NRXN3: variants seen among roughly 807,000 people sequenced by gnomAD.
NRXN3 encodes the protein neurexin 3.
In NRXN3, 32 loss-of-function variants were observed where a neutral mutation model predicts 137.6. That is an observed-to-expected ratio of 0.23 (90% CI 0.18 to 0.31). NRXN3 has a LOEUF of 0.31. NRXN3 is among the 10% of genes least tolerant of loss of function. The pLI, the probability that NRXN3 is intolerant of heterozygous loss-of-function variation, is 1.00. For missense variants in NRXN3, 1,574 were observed against 2,062.5 expected (o/e 0.76, Z 4.59); for synonymous variants, 798 against 784.5 (o/e 1.02, Z -0.29).
At chr14:78,831,994 G>A (rs984728018) in intron 10 of NRXN3, among the ~76,000 whole-genome samples, 1 of 151,832 alleles carries the variant, frequency 6.6e-6, no homozygotes, top group African/African-American at 2.4e-5. Flanking sequence ...TGGGGAGTGG[G>A]GTAAAAGAGG....
chr14:78,230,719 G>C (rs973843670), intron 1 of NRXN3, among the ~76,000 whole-genome samples: 1 of 152,146 alleles, frequency 6.6e-6, no homozygotes, highest in African/African-American at 2.4e-5. Context: ...AGGTAGCATG[G>C]CTGGGGCACA....
At chr14:79,427,939 C>T (rs1398296187) in intron 15 of NRXN3, among the ~76,000 whole-genome samples, 4 of 151,982 alleles carry the variant, frequency 2.6e-5, no homozygotes, top group Admixed American at 6.6e-5. Context: ...AGTGCTACAT[C>T]GAGAGAGAGT....
At chr14:79,751,821 T>C (rs887437631) in intron 19 of NRXN3, among the ~76,000 whole-genome samples, 56 of 152,074 alleles carry the variant, frequency 3.7e-4, no homozygotes, top group African/African-American at 1.3e-3. Flanking sequence ...CTGCATCTAT[T>C]GAGATAATCA....
chr14:79,257,272 T>G (rs1015264105), intron 15 of NRXN3, among the ~76,000 whole-genome samples: 1 of 150,656 alleles, frequency 6.6e-6, no homozygotes, highest in Admixed American at 6.6e-5. Context: ...AAGTATCAGA[T>G]AGTTCCTCCA....
At chr14:78,506,435 T>A (rs892214148) in intron 4 of NRXN3, among the ~76,000 whole-genome samples, 26 of 152,120 alleles carry the variant, frequency 1.7e-4, no homozygotes, top group African/African-American at 6.3e-4. Flanking sequence ...TAGATATATG[T>A]CCAGAAGTGG....
intron 16 of NRXN3, among the ~76,000 whole-genome samples, chr14:79,524,667 T>C (rs563017777): frequency 6.6e-6 from 1 of 152,326 alleles, no homozygotes; most frequent in South Asian, 2.1e-4. Flanking sequence ...AAGGAGAGTT[T>C]TTCCCTTGGC....
At chr14:79,849,391 C>G (rs564827800) in intron 20 of NRXN3, among the ~76,000 whole-genome samples, 1 of 152,132 alleles carries the variant, frequency 6.6e-6, no homozygotes, top group Non-Finnish European at 1.5e-5. Flanking sequence ...TTATAAACAA[C>G]TCATACAGCT....
intron 10 of NRXN3, among the ~76,000 whole-genome samples, chr14:78,881,206 G>A (rs1006130964): frequency 1.3e-5 from 2 of 151,550 alleles, no homozygotes; most frequent in African/African-American, 4.9e-5. Context: ...CCCAGTCCTG[G>A]GTATTTCTTC....
intron 15 of NRXN3, among the ~76,000 whole-genome samples, chr14:79,134,309 T>A (rs2057988562): frequency 6.6e-6 from 1 of 152,246 alleles, no homozygotes; most frequent in Admixed American, 6.5e-5. Flanking sequence ...CCTTTCTGTG[T>A]TCCCAATTCT....
chr14:79,728,309 G>A (rs1039483992), intron 19 of NRXN3, among the ~76,000 whole-genome samples: 4 of 151,962 alleles, frequency 2.6e-5, no homozygotes, highest in African/African-American at 9.7e-5. Flanking sequence ...TCTGCAGTGA[G>A]CAAGGTAAGA....
chr14:79,486,573 T>A (rs2096657381), intron 16 of NRXN3, among the ~76,000 whole-genome samples: 1 of 152,180 alleles, frequency 6.6e-6, no homozygotes, highest in African/African-American at 2.4e-5. Context: ...AATGGTTATG[T>A]ACTGCAGAGC....
At chr14:79,720,380 A>C (rs1371242281) in intron 19 of NRXN3, among the ~76,000 whole-genome samples, 1 of 152,060 alleles carries the variant, frequency 6.6e-6, no homozygotes, top group Admixed American at 6.6e-5. Flanking sequence ...ACACAACCAA[A>C]CCATATCAGG....
chr14:78,924,869 T>C (rs1215283323), intron 10 of NRXN3, among the ~76,000 whole-genome samples: 1 of 152,072 alleles, frequency 6.6e-6, no homozygotes, highest in Non-Finnish European at 1.5e-5. Context: ...GTCTCAGAAA[T>C]AGGGGGGAAT....
rs139436648 is a variant in NRXN3, at chr14:78,335,066, C to A, written c.757+37206C>A. On this transcript the variant is annotated intron_variant, in intron 4 of 20. Transcript: ENST00000335750. Reference sequence around the variant, plus strand: ...GTCATCCCAGGCTCTCACCCCAAGGCCACTCTTCTCTAGTTTCAAGCCCAC... The same window carrying A: ...GTCATCCCAGGCTCTCACCCCAAGGACACTCTTCTCTAGTTTCAAGCCCAC... Among the ~76,000 whole-genome samples the A allele has an allele frequency of 3.2e-4, 49 of 152,234 alleles. No homozygotes were observed. In the East Asian group the frequency reaches 9.3e-3, roughly 29 times the overall value.
At chr14:79,253,042 A>G (rs2076137589) in intron 15 of NRXN3, among the ~76,000 whole-genome samples, 1 of 152,190 alleles carries the variant, frequency 6.6e-6, no homozygotes, top group Non-Finnish European at 1.5e-5. Context: ...AAGGTACAAC[A>G]TGACCCATTG....
At chr14:79,349,904 A>G (rs1195808880) in intron 15 of NRXN3, among the ~76,000 whole-genome samples, 1 of 152,114 alleles carries the variant, frequency 6.6e-6, no homozygotes, top group Non-Finnish European at 1.5e-5. Flanking sequence ...GAAGGAACCA[A>G]TTTTGCCAAC....
At chr14:78,487,658 C>T (rs2095585599) in intron 4 of NRXN3, among the ~76,000 whole-genome samples, 1 of 151,852 alleles carries the variant, frequency 6.6e-6, no homozygotes, top group Non-Finnish European at 1.5e-5. Flanking sequence ...ATAAGAATCG[C>T]TTGAACCCAG....
intron 4 of NRXN3, among the ~76,000 whole-genome samples, chr14:78,314,835 C>A (rs2153548532): frequency 6.6e-6 from 1 of 152,200 alleles, no homozygotes; most frequent in South Asian, 2.1e-4. Flanking sequence ...ATTCATTTTT[C>A]TATTACACAC....
chr14:79,122,907 T>C (rs532690708), intron 15 of NRXN3, among the ~76,000 whole-genome samples: 2 of 152,216 alleles, frequency 1.3e-5, no homozygotes, highest in African/African-American at 4.8e-5. Context: ...AGCAGCTTTA[T>C]AATTTGAAAA....
Sources: allele counts gnomAD v4.1 joint callset (sites outside exome capture counted in the v4.1 genomes callset), GRCh38; gene constraint gnomAD v4.1.1; transcripts MANE v1.5; gene names NCBI Gene and HGNC (gene_info 2026-07-23, HGNC 2026-07-21).